Variants in KCNQ5 observed in about 807,000 individuals in gnomAD.
KCNQ5 encodes the protein potassium voltage-gated channel subfamily Q member 5.
In KCNQ5, 30 loss-of-function variants were observed where a neutral mutation model predicts 98.2. The observed-to-expected ratio is 0.31, with a 90% CI of 0.23 to 0.41. The LOEUF (loss-of-function observed/expected upper bound fraction) is 0.41, where lower values mean the gene tolerates loss of function less well. Ranked by LOEUF, KCNQ5 falls within the 10% of genes least tolerant of loss-of-function variation. The probability of loss-of-function intolerance (pLI) is 1.00; values close to 1 mark genes in which losing one functional copy is unlikely to be tolerated. For missense variants in KCNQ5, 835 were observed against 1,182.5 expected, an observed-to-expected ratio of 0.71 and a Z score of 4.31; for synonymous variants, 458 against 449.4, an observed-to-expected ratio of 1.02 and a Z score of -0.24.
intron 1 of KCNQ5, among the ~76,000 whole-genome samples, chr6:72,628,188 G>A (rs1020646609): frequency 6.6e-6 from 1 of 152,210 alleles, no homozygotes; most frequent in African/African-American, 2.4e-5. Flanking sequence ...CCACAGAGGA[G>A]CTTCAGGGTG....
At chr6:73,002,998 TTAC>T (rs1206585464) in intron 1 of KCNQ5, among the ~76,000 whole-genome samples, 11 of 152,130 alleles carry the variant, frequency 7.2e-5, no homozygotes, top group African/African-American at 2.7e-4. Flanking sequence ...TTAAGACAGC[TTAC>T]TATATGAATT....
intron 1 of KCNQ5, among the ~76,000 whole-genome samples, chr6:72,862,351 G>A (rs1273589775): frequency 7.9e-5 from 12 of 152,144 alleles, no homozygotes; most frequent in Admixed American, 7.2e-4. Flanking sequence ...TTTTCAATCT[G>A]CCAAAGATAC....
At chr6:73,050,348 G>T (rs1407571813) in intron 3 of KCNQ5, among the ~76,000 whole-genome samples, 1 of 149,300 alleles carries the variant, frequency 6.7e-6, no homozygotes, top group Non-Finnish European at 1.5e-5. Context: ...GGGAAGGAGG[G>T]AGGGAAAGAA....
intron 10 of KCNQ5, among the ~76,000 whole-genome samples, chr6:73,169,356 A>G (rs1044103648): frequency 1.3e-5 from 2 of 152,218 alleles, no homozygotes; most frequent in East Asian, 1.9e-4. Flanking sequence ...TGAGCTTGAT[A>G]TATACAGGCC....
At chr6:72,752,053 T>A (rs954163390) in intron 1 of KCNQ5, among the ~76,000 whole-genome samples, 1 of 152,086 alleles carries the variant, frequency 6.6e-6, no homozygotes, top group African/African-American at 2.4e-5. Context: ...TTGCTTCACG[T>A]TGGGGGTAAG....
chr6:73,191,001 T>G (rs1765571874), intron 12 of KCNQ5, among the ~76,000 whole-genome samples: 1 of 152,254 alleles, frequency 6.6e-6, no homozygotes, highest in Non-Finnish European at 1.5e-5. Flanking sequence ...TCATAACATG[T>G]AACAGGCCTG....
rs531399091 is a variant in KCNQ5 at position 72,767,823 on chromosome 6, A to T, written c.398+145236A>T. Reference sequence around the variant, plus strand: ...CCAATTAGGATGGCTATAGTAAAAAAGGCAGATAATGATATGTGGAGGAAG... The same window carrying T: ...CCAATTAGGATGGCTATAGTAAAAATGGCAGATAATGATATGTGGAGGAAG... On this transcript the variant is annotated intron_variant, in intron 1 of 13. Transcript: ENST00000370398. Among the ~76,000 whole-genome samples, 12 of 152,140 alleles carry T rather than the reference A, an allele frequency of 7.9e-5. No individual in the cohort carries two copies. In the East Asian group the frequency reaches 2.1e-3, roughly 27 times the overall value.
At chr6:73,114,443 C>T (rs183157587) in intron 7 of KCNQ5, among the ~76,000 whole-genome samples, 2 of 152,130 alleles carry the variant, frequency 1.3e-5, no homozygotes, top group African/African-American at 4.8e-5. Flanking sequence ...ATTTAAAACC[C>T]CAGAAGCTTG....
At chr6:73,016,452 A>T (rs570009293) in intron 2 of KCNQ5, among the ~76,000 whole-genome samples, 1 of 152,150 alleles carries the variant, frequency 6.6e-6, no homozygotes, top group Non-Finnish European at 1.5e-5. Context: ...CACTTAATAC[A>T]GTAATAGTTG....
intron 13 of KCNQ5, among the ~76,000 whole-genome samples, chr6:73,193,594 TACA>T (rs1486868162): frequency 1.3e-5 from 2 of 151,600 alleles, no homozygotes; most frequent in Admixed American, 6.6e-5. Flanking sequence ...CATCTTCATA[TACA>T]AAGACAATTT....
intron 11 of KCNQ5, among the ~76,000 whole-genome samples, chr6:73,189,943 G>T (rs992623443): frequency 6.6e-6 from 1 of 150,692 alleles, no homozygotes; most frequent in Non-Finnish European, 1.5e-5. Flanking sequence ...GAGGCAGGAG[G>T]ATTGCTTGAG....
intron 1 of KCNQ5, among the ~76,000 whole-genome samples, chr6:72,913,851 A>C (rs747903038): frequency 4.6e-5 from 7 of 152,242 alleles, no homozygotes; most frequent in Non-Finnish European, 8.8e-5. Flanking sequence ...TTTTATGCTT[A>C]GGTTTGATAA....
At chr6:72,627,801 ATGCTGTTCTCT>A (rs2098918754) in intron 1 of KCNQ5, among the ~76,000 whole-genome samples, 1 of 152,010 alleles carries the variant, frequency 6.6e-6, no homozygotes, top group South Asian at 2.1e-4. Flanking sequence ...GTGTTTGCTC[ATGCTGTTCTCT>A]TGGCTTCTCC....
At chr6:72,636,974 G>T (rs74422783) in intron 1 of KCNQ5, among the ~76,000 whole-genome samples, 1 of 152,266 alleles carries the variant, frequency 6.6e-6, no homozygotes, top group Non-Finnish European at 1.5e-5. Flanking sequence ...TTTGGAGCTC[G>T]GCGTTCAGCT....
intron 1 of KCNQ5, among the ~76,000 whole-genome samples, chr6:72,917,173 C>T (rs1227322375): frequency 1.3e-5 from 2 of 152,164 alleles, no homozygotes; most frequent in African/African-American, 2.4e-5. Context: ...CTCAAAATTT[C>T]CTCTGCTGCT....
At chr6:72,980,316 A>C (rs1562107796) in intron 1 of KCNQ5, among the ~76,000 whole-genome samples, 1 of 152,182 alleles carries the variant, frequency 6.6e-6, no homozygotes, top group Non-Finnish European at 1.5e-5. Context: ...TGAGCATGGA[A>C]TGTTCTTCCA....
chr6:73,035,905 TATA>T lies in KCNQ5; in HGVS notation c.490-6027_490-6025del, dbSNP rs1771392889. Among the ~76,000 whole-genome samples the T allele has an allele frequency of 3.9e-5, 6 of 152,084 alleles. No individual in the cohort carries two copies. The South Asian group carries it at 1.2e-3, about 32-fold the overall frequency. On this transcript the variant is annotated intron_variant, in intron 2 of 13. Transcript: ENST00000370398. ...AATGTAACATTTTGTAAAACTATAG[TATA>T]ATATCACAACCAGGATAATAATATT...
intron 1 of KCNQ5, among the ~76,000 whole-genome samples, chr6:72,788,540 T>C (rs1773873092): frequency 6.6e-6 from 1 of 152,230 alleles, no homozygotes; most frequent in Non-Finnish European, 1.5e-5. Context: ...TAGTTAAAAA[T>C]AGTTTGCTGT....
At chr6:72,834,996 A>G (rs924441068) in intron 1 of KCNQ5, among the ~76,000 whole-genome samples, 2 of 152,138 alleles carry the variant, frequency 1.3e-5, no homozygotes, top group African/African-American at 4.8e-5. Flanking sequence ...AAATTTTATA[A>G]ATGTTTTACT....
Sources: allele counts gnomAD v4.1 joint callset (sites outside exome capture counted in the v4.1 genomes callset), GRCh38; gene constraint gnomAD v4.1.1; transcripts MANE v1.5; gene names NCBI Gene and HGNC (gene_info 2026-07-23, HGNC 2026-07-21).